ITGA9: variants seen among roughly 807,000 people sequenced by gnomAD.
The protein encoded by ITGA9 is integrin subunit alpha 9.
Under a neutral mutation model 127.8 loss-of-function variants are expected in ITGA9, and 56 were observed. The observed-to-expected ratio is 0.44, with a 90% confidence interval of 0.35 to 0.55. ITGA9 has a LOEUF of 0.55. ITGA9 is among the 20% of genes least tolerant of loss of function. The pLI is 0.00. For synonymous variants in ITGA9, 508 were observed against 514.5 expected (o/e 0.99, Z 0.17); for missense variants, 1,196 against 1,347.1 (o/e 0.89, Z 1.76).
intron 16 of ITGA9, among the ~76,000 whole-genome samples, chr3:37,637,336 G>A (rs1427582462): frequency 1.3e-5 from 2 of 152,022 alleles, no homozygotes; most frequent in Admixed American, 6.6e-5. Context: ...TTCTCCTTGA[G>A]GAGGTCCTTC....
At chr3:37,600,856 T>C (rs965320555) in intron 15 of ITGA9, among the ~76,000 whole-genome samples, 1 of 152,238 alleles carries the variant, frequency 6.6e-6, no homozygotes, top group African/African-American at 2.4e-5. Context: ...TGTGCACATA[T>C]ACACATTCCC....
chr3:37,693,605 A>G (rs1700854071), intron 18 of ITGA9, among the ~76,000 whole-genome samples: 1 of 152,200 alleles, frequency 6.6e-6, no homozygotes, highest in Non-Finnish European at 1.5e-5. Flanking sequence ...ATCTGGATAG[A>G]GCAGGAAGGA....
At chr3:37,650,258 T>G (rs1325116392) in intron 16 of ITGA9, among the ~76,000 whole-genome samples, 1 of 152,180 alleles carries the variant, frequency 6.6e-6, no homozygotes, top group East Asian at 1.9e-4. Context: ...TCCACCCAGA[T>G]TCCAGGTAAG....
intron 16 of ITGA9, among the ~76,000 whole-genome samples, chr3:37,638,452 A>G (rs1040581797): frequency 1.2e-3 from 62 of 49,836 alleles, no homozygotes; most frequent in Middle Eastern, 0.01. Flanking sequence ...GATTATGGGG[A>G]AAAAAAAAAA....
At chr3:37,704,178 AG>A (rs1700978103) in intron 18 of ITGA9, among the ~76,000 whole-genome samples, 1 of 151,958 alleles carries the variant, frequency 6.6e-6, no homozygotes, top group Non-Finnish European at 1.5e-5. Context: ...TTTTTTGTGG[AG>A]GGGGGCAATG....
chr3:37,627,876 G>A (rs1700191142), intron 15 of ITGA9, among the ~76,000 whole-genome samples: 1 of 152,216 alleles, frequency 6.6e-6, no homozygotes, highest in South Asian at 2.1e-4. Context: ...ATGCCACCAT[G>A]TGCTGCAGAT....
chr3:37,463,189 G>A (rs145971559), intron 1 of ITGA9, among the ~76,000 whole-genome samples: 5 of 152,322 alleles, frequency 3.3e-5, no homozygotes, highest in East Asian at 1.9e-4. Context: ...GAATTACCAC[G>A]GTCCAGATTC....
chr3:37,463,260 T>C (rs542863324), intron 1 of ITGA9, among the ~76,000 whole-genome samples: 2 of 152,342 alleles, frequency 1.3e-5, no homozygotes, highest in South Asian at 4.1e-4. Flanking sequence ...ACAATATTGC[T>C]GCATCCCTAA....
At chr3:37,453,757 G>C (rs1378873252) in intron 1 of ITGA9, among the ~76,000 whole-genome samples, 1 of 152,154 alleles carries the variant, frequency 6.6e-6, no homozygotes, top group Non-Finnish European at 1.5e-5. Context: ...TGATGGAAAA[G>C]GGTGGTTTGT....
At chr3:37,527,705 C>A (rs1367016672) in intron 13 of ITGA9, among the ~76,000 whole-genome samples, 2 of 152,166 alleles carry the variant, frequency 1.3e-5, no homozygotes, top group East Asian at 3.8e-4. Context: ...TTATCCTGAG[C>A]ATCTTACTTT....
chr3:37,819,129 C>T lies in ITGA9; in HGVS notation c.*140C>T. 1.4e-6 allele frequency: 1 copy of T among 738,634 alleles called. No individual in the cohort carries two copies. 45.8% of individuals were successfully genotyped at this position (738,634 alleles called of 1,614,324 possible). Reference sequence around the variant, plus strand: ...GTTCTCTTCTTCATTCTATCAAGCCCAGGTGCCAGCCTGAGGCAGCCACTT... The same window carrying T: ...GTTCTCTTCTTCATTCTATCAAGCCTAGGTGCCAGCCTGAGGCAGCCACTT... On this transcript the variant is annotated 3_prime_UTR_variant, in exon 28 of 28. Transcript: ENST00000264741.
intron 3 of ITGA9, among the ~76,000 whole-genome samples, chr3:37,476,672 G>A (rs1295545353): frequency 6.6e-6 from 1 of 152,068 alleles, no homozygotes. Context: ...TCCCCTGTAT[G>A]GGCTCTGCCT....
At chr3:37,762,070 T>C (rs1386290421) in intron 23 of ITGA9, among the ~76,000 whole-genome samples, 1 of 152,258 alleles carries the variant, frequency 6.6e-6, no homozygotes, top group Admixed American at 6.5e-5. Context: ...ATTTCTTTAC[T>C]TTCTTAATAA....
chr3:37,655,003 C>G (rs1411761345), intron 17 of ITGA9, among the ~76,000 whole-genome samples: 1 of 152,192 alleles, frequency 6.6e-6, no homozygotes, highest in Non-Finnish European at 1.5e-5. Flanking sequence ...TCATCCATGT[C>G]CCTGCAAAGG....
At chr3:37,672,641 G>C (rs1163536229) in intron 17 of ITGA9, among the ~76,000 whole-genome samples, 1 of 152,196 alleles carries the variant, frequency 6.6e-6, no homozygotes, top group African/African-American at 2.4e-5. Context: ...TATCATAGGG[G>C]ATGTTGAGCT....
chr3:37,748,460 A>G lies in ITGA9; in HGVS notation c.2434-2002A>G, dbSNP rs573190750. 1.1e-3 allele frequency: 626 copies of G among 583,742 alleles called. 3 individuals carry two copies. In the African/African-American group the frequency reaches 0.011, roughly 10 times the overall value. The allele number at this position is 583,742 out of a possible 1,614,324, so 36.2% of individuals were successfully genotyped here. A position where few individuals can be genotyped will look rare whatever the true frequency, so the allele number is the denominator to read the frequency against. ...GTGAAGGAAAATGATCAGAAAAAGA[A>G]GGAAGCTGGCGGCACAGTAGCTCAC... On this transcript the variant is annotated intron_variant, in intron 22 of 27. Transcript: ENST00000264741.
intron 5 of ITGA9, among the ~76,000 whole-genome samples, chr3:37,500,119 C>T (rs74866638): frequency 0.04 from 6,020 of 152,282 alleles, 133 homozygotes; most frequent in Non-Finnish European, 0.053. Flanking sequence ...AAATTCCTTT[C>T]CAAGCTCAAG....
chr3:37,806,964 C>G lies in ITGA9; in HGVS notation c.3009+3022C>G, dbSNP rs1697306627. Reference sequence around the variant, plus strand: ...TCCCTGCACTTGACCGCCTCACCACCTAGCAATAGACCTGCAGGCATAATG... The same window carrying G: ...TCCCTGCACTTGACCGCCTCACCACGTAGCAATAGACCTGCAGGCATAATG... On this transcript the variant is annotated intron_variant, in intron 27 of 27. Coordinates refer to ENST00000264741, the MANE Select transcript of ITGA9 (RefSeq NM_002207.3). The surrounding 1 kb of genome is among the most constrained non-coding windows in gnomAD (Gnocchi z 4.3). 1.3e-5 allele frequency: 2 copies of G among 152,240 alleles called. No individual in the cohort carries two copies. Among genetic ancestry groups the G allele is most frequent in the South Asian group, 4.1e-4 (2 of 4,822 alleles). The allele number at this position is 152,240 out of a possible 1,614,324, so 9.4% of individuals were successfully genotyped here.
chr3:37,479,866 A>G (rs1373946516), intron 3 of ITGA9, among the ~76,000 whole-genome samples: 1 of 152,204 alleles, frequency 6.6e-6, no homozygotes, highest in East Asian at 1.9e-4. Context: ...GAAAATGGGA[A>G]TTCTAAAGAC....
Sources: gnomAD v4.1 joint callset for allele counts (sites outside exome capture counted in the v4.1 genomes callset) on GRCh38, gnomAD v4.1.1 for gene constraint, Gnocchi (gnomAD v3.1) non-coding constraint, MANE v1.5 for transcripts, NCBI Gene and HGNC (gene_info 2026-07-23, HGNC 2026-07-21) for gene names.